Variants in HNRNPA3 observed in about 807,000 individuals in gnomAD.
HNRNPA3 encodes the protein heterogeneous nuclear ribonucleoprotein A3, also known as epididymis secretory sperm binding protein.
A neutral mutation model predicts 45.8 loss-of-function variants in HNRNPA3; 3 were observed. The observed-to-expected ratio is 0.07, with a 90% CI of 0.03 to 0.17. The LOEUF is 0.17. Ranked by LOEUF, HNRNPA3 falls within the 10% of genes least tolerant of loss-of-function variation. HNRNPA3 has a pLI of 1.00. For synonymous variants in HNRNPA3, 170 were observed against 155.6 expected (o/e 1.09, Z -0.69); for missense variants, 183 against 480.3 (o/e 0.38, Z 5.79).
chr2:177,216,471 T>C (rs1558969486), intron 4 of HNRNPA3, 32 bp from the exon 5 acceptor site: 1 of 1,518,658 alleles, frequency 6.6e-7, no homozygotes, highest in Non-Finnish European at 9.1e-7. Flanking sequence ...ATAAAATAAC[T>C]TTTTGTTTTG....
downstream of HNRNPA3, chr2:177,223,939 T>G (rs759351047): frequency 7.9e-5 from 12 of 152,236 alleles, no homozygotes; most frequent in South Asian, 6.2e-4. Context: ...CAGTAAGTAA[T>G]AAAACAACAG....
chr2:177,214,727 G>T (rs1462765722), intron 1 of HNRNPA3, among the ~76,000 whole-genome samples: 1 of 152,206 alleles, frequency 6.6e-6, no homozygotes, highest in Non-Finnish European at 1.5e-5. Context: ...CCCGGGAGGC[G>T]GAGGTTGCAG....
Position 177,216,187 on chromosome 2 carries a change from T to C in HNRNPA3, c.552T>C (p.Val184=), listed in dbSNP as rs768475572. 32 of 1,563,866 alleles carry C rather than the reference T, an allele frequency of 2.0e-5. 1 individual carries two copies. The South Asian group carries it at 3.4e-4, about 17-fold the overall frequency. ...ATCATGATACAGTTGATAAAATTGT[T>C]GGTAAGTAGCAATTTATGGTAACTT... is the stretch of plus-strand genomic sequence containing the variant. Residue 184 remains valine, a splice_region_variant and synonymous_variant, in exon 4 of 11, where the codon GTT becomes GTC. Transcript: ENST00000392524.
intron 8 of HNRNPA3, among the ~76,000 whole-genome samples, chr2:177,218,564 G>A (rs1014866206): frequency 2.0e-5 from 3 of 152,144 alleles, no homozygotes; most frequent in African/African-American, 7.2e-5. Context: ...TAGGGCCCAG[G>A]TTAACAAAGT....
At chr2:177,221,398 T>C (rs1023831088), downstream of HNRNPA3, 7 of 152,606 alleles carry the variant, frequency 4.6e-5, no homozygotes, top group African/African-American at 1.7e-4. Flanking sequence ...TCCTGTTTTA[T>C]GTTTGTGAAA....
At chr2:177,222,384 A>G (rs1689218469), downstream of HNRNPA3, 1 of 152,248 alleles carries the variant, frequency 6.6e-6, no homozygotes, top group Non-Finnish European at 1.5e-5. Context: ...TTGTGTCTTC[A>G]GGGTAAACTC....
intron 1 of HNRNPA3, among the ~76,000 whole-genome samples, chr2:177,214,818 T>G (rs1426529692): frequency 6.6e-6 from 1 of 152,082 alleles, no homozygotes; most frequent in Admixed American, 6.5e-5. Flanking sequence ...ACAAAAAAAT[T>G]AAATGCATGT....
chr2:177,213,291 A>C (rs2105423121), intron 1 of HNRNPA3, among the ~76,000 whole-genome samples: 1 of 152,284 alleles, frequency 6.6e-6, no homozygotes, highest in Non-Finnish European at 1.5e-5. Context: ...CCGCGTTACG[A>C]AATGGCGCAT....
chr2:177,212,979 C>G (rs1688746492), intron 1 of HNRNPA3, 108 bp downstream of exon 1: 1 of 681,312 alleles, frequency 1.5e-6, no homozygotes, highest in Non-Finnish European at 2.3e-6. Context: ...CGCGCTCTTG[C>G]GTTGAGACAG....
Position 177,217,692 on chromosome 2 carries a change from G to T in HNRNPA3, c.821-13G>T. On this transcript the variant is annotated splice_polypyrimidine_tract_variant and intron_variant, in intron 7 of 10. Transcript: ENST00000392524. Reference sequence around the variant, plus strand: ...AAGTTTTTGTGTGGTCTTGTTATTTGTTGTTTTTTTAGGTGGCAACTATGG... The same window carrying T: ...AAGTTTTTGTGTGGTCTTGTTATTTTTTGTTTTTTTAGGTGGCAACTATGG... 6.2e-7 allele frequency: 1 copy of T among 1,612,230 alleles called. No homozygotes were observed. Among genetic ancestry groups the T allele is most frequent in the Non-Finnish European group, 8.5e-7 (1 of 1,179,814 alleles).
At position 177,216,602 on chromosome 2, in the gene HNRNPA3, A is replaced by G. The variant is rs766489321; in HGVS notation, c.643+10A>G. On this transcript the variant is annotated intron_variant, in intron 5 of 10. Coordinates refer to ENST00000392524, the Ensembl canonical transcript of HNRNPA3. ...GCTGGATCACAGAGAGGTGAGTAGG[A>G]CCATACACATGTATACAGTGGATAT... 14 of 1,612,922 alleles carry G rather than the reference A, an allele frequency of 8.7e-6. No homozygotes were observed. The highest frequency in any genetic ancestry group is 1.2e-5 in the Non-Finnish European group (14 of 1,178,978).
At position 177,215,911 on chromosome 2, in the gene HNRNPA3, C is replaced by T; in HGVS notation, c.342+15C>T. 1.3e-6 allele frequency: 2 copies of T among 1,596,708 alleles called. No homozygotes were observed. The highest frequency in any genetic ancestry group is 1.7e-6 in the Non-Finnish European group (2 of 1,174,844). On this transcript the variant is annotated intron_variant, in intron 3 of 10. Transcript: ENST00000392524. ...TTTCTAGAGAGGTATTTTAATAATA[C>T]ATTGTGTAATATGTGAAATTGTTGT...
At chr2:177,215,456 T>A in intron 1 of HNRNPA3, 83 bp from the exon 2 acceptor site, 1 of 1,347,366 alleles carries the variant, frequency 7.4e-7, no homozygotes, top group African/African-American at 1.5e-5. Context: ...TTGATTTTAT[T>A]ACTTACCGTA....
At chr2:177,214,235 A>C (rs1688823946) in intron 1 of HNRNPA3, among the ~76,000 whole-genome samples, 2 of 152,282 alleles carry the variant, frequency 1.3e-5, no homozygotes, top group African/African-American at 2.4e-5. Context: ...TCTTATAGTC[A>C]GACAATACAT....
downstream of HNRNPA3, chr2:177,223,409 AGT>A (rs1216079464): frequency 6.6e-6 from 1 of 152,044 alleles, no homozygotes; most frequent in African/African-American, 2.4e-5. Context: ...AAAAAAAAAA[AGT>A]TGTTATATAA....
At chr2:177,221,715 T>A (rs1485509852), downstream of HNRNPA3, 1 of 152,644 alleles carries the variant, frequency 6.6e-6, no homozygotes, top group Non-Finnish European at 1.5e-5. Context: ...TTCAGCAGCC[T>A]TTTGTGTTTG....
At chr2:177,218,731 T>A (rs1167706237) in intron 8 of HNRNPA3, among the ~76,000 whole-genome samples, 1 of 152,258 alleles carries the variant, frequency 6.6e-6, no homozygotes, top group Non-Finnish European at 1.5e-5. Context: ...AGTGGAAGTT[T>A]TAACAAGTTA....
At chr2:177,223,153 G>A (rs561521376), downstream of HNRNPA3, 1 of 152,166 alleles carries the variant, frequency 6.6e-6, no homozygotes, top group Non-Finnish European at 1.5e-5. Flanking sequence ...GTTTGCCAGA[G>A]TTTAGTCTCA....
At chr2:177,217,260 T>TAC (rs1688981164) in intron 7 of HNRNPA3, among the ~76,000 whole-genome samples, 2 of 152,232 alleles carry the variant, frequency 1.3e-5, no homozygotes, top group African/African-American at 4.8e-5. Context: ...TTTTCATTCT[T>TAC]ACTAGTGCAG....
Sources: allele counts gnomAD v4.1 joint callset (sites outside exome capture counted in the v4.1 genomes callset), GRCh38; gene constraint gnomAD v4.1.1; transcripts MANE v1.5; gene names NCBI Gene and HGNC (gene_info 2026-07-23, HGNC 2026-07-21).